GALNTL6: variants seen among roughly 807,000 people sequenced by gnomAD.
The protein encoded by GALNTL6 is polypeptide N-acetylgalactosaminyltransferase-like 6.
Under a neutral mutation model 73.7 loss-of-function variants are expected in GALNTL6, and 46 were observed. The ratio of observed to expected loss-of-function variants is 0.62; its 90% CI spans 0.49 to 0.80. The LOEUF (loss-of-function observed/expected upper bound fraction) is 0.80. Ranked by LOEUF, GALNTL6 falls within the 30% of genes least tolerant of loss-of-function variation. The pLI, the probability that GALNTL6 is intolerant of heterozygous loss-of-function variation, is 0.00. For synonymous variants in GALNTL6, 259 were observed against 263.7 expected (o/e 0.98, Z 0.17); for missense variants, 604 against 755.0 (o/e 0.80, Z 2.34).
At chr4:172,143,571 T>C (rs1733854034) in intron 2 of GALNTL6, among the ~76,000 whole-genome samples, 1 of 152,214 alleles carries the variant, frequency 6.6e-6, no homozygotes, top group African/African-American at 2.4e-5. Flanking sequence ...ATTGCAATGC[T>C]TACTCTTGTA....
intron 5 of GALNTL6, among the ~76,000 whole-genome samples, chr4:172,617,043 G>A (rs1199934902): frequency 1.3e-5 from 2 of 151,694 alleles, no homozygotes; most frequent in African/African-American, 4.8e-5. Context: ...AAAATGTTTC[G>A]CATTTTTTTT....
chr4:172,687,614 C>A (rs1453218715), intron 5 of GALNTL6, among the ~76,000 whole-genome samples: 8 of 108,538 alleles, frequency 7.4e-5, no homozygotes, highest in South Asian at 3.4e-4. Flanking sequence ...AGCGACAAGG[C>A]AAGACTGTCT....
Position 172,825,056 on chromosome 4 carries a change from CT to C in GALNTL6, c.923+11347del, listed in dbSNP as rs36147306. On this transcript the variant is annotated intron_variant, in intron 7 of 12. Transcript: ENST00000506823. ...TAAATCGGTGGGACAATTCTTTTTT[CT>C]TTTTTTTTTTTTTGGTTATCTTTTC... is the stretch of plus-strand genomic sequence containing the variant. 6.9e-3 allele frequency among the ~76,000 whole-genome samples: 819 copies of C among 118,294 alleles called. 15 individuals carry two copies. The highest frequency in any genetic ancestry group is 0.023 in the African/African-American group (715 of 30,954). The allele number at this position is 118,294 out of a possible 152,430, so 77.6% of individuals were successfully genotyped here.
In GALNTL6 at chr4:172,518,056, C is replaced by T. The variant is rs1013314838; in HGVS notation, c.553+169367C>T. On this transcript the variant is annotated intron_variant, in intron 5 of 12. Coordinates refer to ENST00000506823, the MANE Select transcript of GALNTL6 (RefSeq NM_001034845.3). ...ATGTCACATATTCTGCCCCAGTATG[C>T]TCACAAAGGCTTTTAAGACTATAAA... Among the ~76,000 whole-genome samples the T allele has an allele frequency of 5.3e-5, 8 of 151,928 alleles. No homozygotes were observed. In the South Asian group the frequency reaches 1.5e-3, roughly 28 times the overall value.
chr4:172,387,647 T>A (rs1315117380), intron 5 of GALNTL6, among the ~76,000 whole-genome samples: 1 of 152,168 alleles, frequency 6.6e-6, no homozygotes, highest in Non-Finnish European at 1.5e-5. Context: ...TATAATTCAC[T>A]GAGTTTCTTG....
At chr4:172,606,408 C>T (rs1738262770) in intron 5 of GALNTL6, among the ~76,000 whole-genome samples, 3 of 148,386 alleles carry the variant, frequency 2.0e-5, no homozygotes, top group Admixed American at 6.7e-5. Context: ...GAGCCAAAAT[C>T]GCGCCATTGC....
chr4:172,720,301 G>A (rs535347681), intron 5 of GALNTL6, among the ~76,000 whole-genome samples: 8 of 152,264 alleles, frequency 5.3e-5, no homozygotes, highest in African/African-American at 1.7e-4. Context: ...GGAATAAAAA[G>A]GGGAAACAGG....
chr4:171,906,600 T>C (rs1316486685), intron 2 of GALNTL6, among the ~76,000 whole-genome samples: 2 of 152,168 alleles, frequency 1.3e-5, no homozygotes, highest in African/African-American at 2.4e-5. Context: ...TCTGAAACTA[T>C]TCCAATCAAT....
chr4:172,952,321 C>T, intron 10 of GALNTL6, 63 bp downstream of exon 10: 1 of 1,210,606 alleles, frequency 8.3e-7, no homozygotes, highest in Non-Finnish European at 1.2e-6. Context: ...CCCATAGCCT[C>T]AGGTGGTGGG....
At position 172,569,948 on chromosome 4, in the gene GALNTL6, T is replaced by A. The variant is rs561526010; in HGVS notation, c.553+221259T>A. ...GGACGTAGTACGACAGATGCCAAGA[T>A]GTGAATAATATAGTACCAGGAGGAA... On this transcript the variant is annotated intron_variant, in intron 5 of 12. Coordinates refer to ENST00000506823, the MANE Select transcript of GALNTL6 (RefSeq NM_001034845.3). Among the ~76,000 whole-genome samples, 6 of 152,296 alleles carry A rather than the reference T, an allele frequency of 3.9e-5. No homozygotes were observed. In the South Asian group the frequency reaches 1.0e-3, roughly 26 times the overall value.
chr4:172,936,232 C>T (rs1257119398), intron 9 of GALNTL6, among the ~76,000 whole-genome samples: 1 of 152,198 alleles, frequency 6.6e-6, no homozygotes, highest in Non-Finnish European at 1.5e-5. Context: ...ATTCAACACC[C>T]CTTCATTCTG....
chr4:171,891,034 C>G (rs1434158225), intron 2 of GALNTL6, among the ~76,000 whole-genome samples: 1 of 103,318 alleles, frequency 9.7e-6, no homozygotes, highest in Non-Finnish European at 1.9e-5. Context: ...CAAAGCCCTT[C>G]TCCTACTCAG....
chr4:172,405,425 ATATATATATATATATATATTTTTTT>A (rs1254271789), intron 5 of GALNTL6, among the ~76,000 whole-genome samples: 9 of 114,204 alleles, frequency 7.9e-5, no homozygotes, highest in African/African-American at 3.7e-4. Flanking sequence ...ATATATATAT[ATATATATATATATATATATTTTTTT>A]TTTTTTTTTT....
intron 2 of GALNTL6, among the ~76,000 whole-genome samples, chr4:172,203,856 C>T (rs1736028176): frequency 6.6e-6 from 1 of 152,122 alleles, no homozygotes; most frequent in South Asian, 2.1e-4. Flanking sequence ...AAGTGATTCT[C>T]CTGCCTCAGT....
At chr4:171,965,189 G>T (rs796457164) in intron 2 of GALNTL6, among the ~76,000 whole-genome samples, 13 of 152,224 alleles carry the variant, frequency 8.5e-5, no homozygotes, top group African/African-American at 2.6e-4. Flanking sequence ...AATATTTGTT[G>T]AATCAAATTG....
intron 5 of GALNTL6, among the ~76,000 whole-genome samples, chr4:172,736,086 A>C (rs1241382465): frequency 6.6e-6 from 1 of 152,180 alleles, no homozygotes; most frequent in African/African-American, 2.4e-5. Context: ...ATTACTGATG[A>C]AGGTCCATGT....
At position 171,912,241 on chromosome 4, in the gene GALNTL6, C is replaced by T. The variant is rs183395298; in HGVS notation, c.138+97523C>T. Among the ~76,000 whole-genome samples, 378 of 152,088 alleles carry T rather than the reference C, an allele frequency of 2.5e-3. 2 individuals are homozygous for T. The highest frequency in any genetic ancestry group is 8.7e-3 in the African/African-American group (361 of 41,506). ...ACAGGTACTCTGAATTATAATATGT[C>T]TTTTTGGCATAACAGTAAAATTATA... On this transcript the variant is annotated intron_variant, in intron 2 of 12. Transcript: ENST00000506823.
intron 2 of GALNTL6, among the ~76,000 whole-genome samples, chr4:171,834,470 C>T (rs1228196690): frequency 6.6e-6 from 1 of 151,868 alleles, no homozygotes; most frequent in Non-Finnish European, 1.5e-5. Context: ...ATTGATTGGC[C>T]TGATAAATTT....
intron 5 of GALNTL6, among the ~76,000 whole-genome samples, chr4:172,752,774 C>A (rs972704504): frequency 6.6e-6 from 1 of 151,932 alleles, no homozygotes; most frequent in African/African-American, 2.4e-5. Context: ...TGTATCCATG[C>A]TGATTTTAAA....
Sources: allele counts gnomAD v4.1 joint callset (sites outside exome capture counted in the v4.1 genomes callset), GRCh38; gene constraint gnomAD v4.1.1; transcripts MANE v1.5; gene names NCBI Gene and HGNC (gene_info 2026-07-23, HGNC 2026-07-21).